Variants in FAM168A observed in about 807,000 individuals in gnomAD.
The protein encoded by FAM168A is family with sequence similarity 168 member A.
Under a neutral mutation model 28.5 loss-of-function variants are expected in FAM168A, and 3 were observed. That is an observed-to-expected ratio of 0.11 (90% CI 0.05 to 0.27). The LOEUF (loss-of-function observed/expected upper bound fraction) is 0.27. Among genes scored for constraint, FAM168A ranks in the 10% least tolerant of loss-of-function variants. The pLI, the probability that FAM168A is intolerant of heterozygous loss-of-function variation, is 1.00. For missense variants in FAM168A, 222 were observed against 311.5 expected (o/e 0.71, Z 2.16); for synonymous variants, 122 against 124.2 (o/e 0.98, Z 0.12).
At chr11:73,569,768 G>T (rs922228524) in intron 1 of FAM168A, among the ~76,000 whole-genome samples, 1 of 151,910 alleles carries the variant, frequency 6.6e-6, no homozygotes, top group Non-Finnish European at 1.5e-5. Context: ...AGGTTGCAGT[G>T]AGCTGGGATC....
At chr11:73,468,112 C>T (rs1867763082) in intron 2 of FAM168A, among the ~76,000 whole-genome samples, 1 of 152,164 alleles carries the variant, frequency 6.6e-6, no homozygotes, top group Admixed American at 6.5e-5. Context: ...ACACACTGAT[C>T]ATCTAACACG....
chr11:73,430,799 AGTTAG>A (rs1397731829), intron 2 of FAM168A, 29 bp from the exon 3 acceptor site: 21 of 1,517,468 alleles, frequency 1.4e-5, no homozygotes, highest in Non-Finnish European at 1.9e-5. Flanking sequence ...AGGCTTATTT[AGTTAG>A]GCAAAAAAAA....
intron 1 of FAM168A, among the ~76,000 whole-genome samples, chr11:73,544,536 C>T (rs1175449937): frequency 6.6e-6 from 1 of 150,960 alleles, no homozygotes; most frequent in African/African-American, 2.4e-5. Flanking sequence ...TCCAAATGTC[C>T]ATCAACTGAT....
chr11:73,485,220 A>T (rs748812786), intron 1 of FAM168A, among the ~76,000 whole-genome samples: 1 of 152,192 alleles, frequency 6.6e-6, no homozygotes, highest in Non-Finnish European at 1.5e-5. Flanking sequence ...AAGTTTTTAC[A>T]TGAGATCCTA....
At chr11:73,518,349 C>T (rs950072711) in intron 1 of FAM168A, among the ~76,000 whole-genome samples, 10 of 151,234 alleles carry the variant, frequency 6.6e-5, no homozygotes, top group Non-Finnish European at 1.3e-4. Context: ...GATCCCCTAT[C>T]CTAAGTGAAA....
At chr11:73,484,538 A>ATC (rs377180819) in intron 1 of FAM168A, among the ~76,000 whole-genome samples, 9,038 of 122,886 alleles carry the variant, frequency 0.074, 889 homozygotes, top group African/African-American at 0.24. Flanking sequence ...CTATATATCT[A>ATC]TATATCTATC....
rs114194261 is a variant in FAM168A at position 73,579,941 on chromosome 11, T to A, written c.-19+17982A>T. On this transcript the variant is annotated intron_variant, in intron 1 of 7. Coordinates refer to ENST00000356467, the MANE Select transcript of FAM168A (RefSeq NM_015159.3). ...ATTCATTTAGGTACCTTAAGCAGTA[T>A]CTTGTACAATAGCACAGAATCAAAG... Among the ~76,000 whole-genome samples the A allele has an allele frequency of 5.1e-3, 778 of 152,322 alleles. 8 individuals carry two copies. Among genetic ancestry groups the A allele is most frequent in the African/African-American group, 0.018 (744 of 41,568 alleles).
intron 1 of FAM168A, among the ~76,000 whole-genome samples, chr11:73,587,286 T>C (rs1308320228): frequency 6.6e-6 from 1 of 151,318 alleles, no homozygotes; most frequent in Non-Finnish European, 1.5e-5. Flanking sequence ...AGGTCAGGAG[T>C]TCGAGACCAG....
intron 1 of FAM168A, among the ~76,000 whole-genome samples, chr11:73,535,876 T>TA (rs1446548281): frequency 6.6e-6 from 1 of 150,936 alleles, no homozygotes; most frequent in Non-Finnish European, 1.5e-5. Flanking sequence ...TTAAAACATT[T>TA]TTTTTTTTTT....
chr11:73,515,844 T>G (rs1356090895), intron 1 of FAM168A, among the ~76,000 whole-genome samples: 1 of 152,156 alleles, frequency 6.6e-6, no homozygotes, highest in Non-Finnish European at 1.5e-5. Context: ...GGCTCACACC[T>G]GTAATCCCAG....
rs1761140093 is a variant in FAM168A at position 73,404,738 on chromosome 11, A to G, written c.*2025T>C. On this transcript the variant is annotated 3_prime_UTR_variant, in exon 8 of 8. Transcript: ENST00000356467. The stretch of plus-strand genomic sequence containing the variant: ...GCTGATGGGCTTTACCCTCCTGGGA[A>G]TGGCTAGACAGCTTCTGAGCTCCTT... The G allele has an allele frequency of 6.6e-6, 1 of 152,202 alleles. No homozygotes were observed. The highest frequency in any genetic ancestry group is 1.5e-5 in the Non-Finnish European group (1 of 68,022). 9.4% of individuals were successfully genotyped at this position (152,202 alleles called of 1,614,324 possible). A position where few individuals can be genotyped will look rare whatever the true frequency, so the allele number is the denominator to read the frequency against.
At chr11:73,459,226 G>A (rs1216948208) in intron 2 of FAM168A, among the ~76,000 whole-genome samples, 1 of 152,004 alleles carries the variant, frequency 6.6e-6, no homozygotes, top group Non-Finnish European at 1.5e-5. Context: ...TGGGACAACA[G>A]GCATGTGCCA....
chr11:73,541,545 G>GT (rs1943658008), intron 1 of FAM168A, among the ~76,000 whole-genome samples: 1 of 151,488 alleles, frequency 6.6e-6, no homozygotes, highest in African/African-American at 2.4e-5. Flanking sequence ...GCTAATTTTT[G>GT]TATTTTTAGT....
intron 1 of FAM168A, among the ~76,000 whole-genome samples, chr11:73,569,747 G>A (rs749473402): frequency 5.3e-5 from 8 of 151,908 alleles, no homozygotes; most frequent in East Asian, 1.9e-4. Flanking sequence ...ACTTGAACCC[G>A]GGGGGATCGG....
intron 1 of FAM168A, among the ~76,000 whole-genome samples, chr11:73,565,359 A>G (rs898394929): frequency 2.4e-4 from 37 of 152,336 alleles, no homozygotes; most frequent in African/African-American, 8.7e-4. Flanking sequence ...AGACCACATT[A>G]TAAGTTAAAG....
intron 1 of FAM168A, among the ~76,000 whole-genome samples, chr11:73,479,448 C>T (rs969764725): frequency 5.3e-5 from 8 of 152,084 alleles, no homozygotes; most frequent in South Asian, 2.1e-4. Flanking sequence ...GGAGGAAAGG[C>T]CATTTGTGAA....
chr11:73,542,171 A>G (rs947021977), intron 1 of FAM168A, among the ~76,000 whole-genome samples: 1 of 152,202 alleles, frequency 6.6e-6, no homozygotes, highest in Non-Finnish European at 1.5e-5. Context: ...GGCTTTATAT[A>G]TGCTAATTAC....
Position 73,584,230 on chromosome 11 carries a change from T to C in FAM168A, c.-19+13693A>G, listed in dbSNP as rs190942729. On this transcript the variant is annotated intron_variant, in intron 1 of 7. Transcript: ENST00000356467. ...CTCTGTCACCCAGGTTGGAGTGCAA[T>C]GGCATGATCAGTGCTCCCTGCAGCC... Among the ~76,000 whole-genome samples, 299 of 152,062 alleles carry C rather than the reference T, an allele frequency of 2.0e-3. 4 individuals are homozygous for C. Among genetic ancestry groups the C allele is most frequent in the African/African-American group, 6.6e-3 (273 of 41,500 alleles).
chr11:73,548,555 T>C (rs1328761866), intron 1 of FAM168A, among the ~76,000 whole-genome samples: 1 of 152,222 alleles, frequency 6.6e-6, no homozygotes, highest in Non-Finnish European at 1.5e-5. Context: ...CATAAAGATA[T>C]AATACTTTCT....
Sources: gnomAD v4.1 joint callset for allele counts (sites outside exome capture counted in the v4.1 genomes callset) on GRCh38, gnomAD v4.1.1 for gene constraint, MANE v1.5 for transcripts, NCBI Gene and HGNC (gene_info 2026-07-23, HGNC 2026-07-21) for gene names.